Variants in INSL6 observed in about 807,000 individuals in gnomAD.
INSL6 encodes insulin like 6.
INSL6 carries 16 observed loss-of-function variants against 9.4 expected under a neutral mutation model. That is an observed-to-expected ratio of 1.70 (90% CI 1.15 to 2.59). The LOEUF is 2.59. Among genes scored for constraint, INSL6 ranks in the 30% most tolerant of loss-of-function variants. The pLI is 0.00. For missense variants in INSL6, 391 were observed against 257.3 expected (o/e 1.52, Z -3.56); for synonymous variants, 154 against 96.9 (o/e 1.59, Z -3.46).
chr9:5,128,580 C>T (rs1824152635), intron 3 of INSL6, among the ~76,000 whole-genome samples: 1 of 151,834 alleles, frequency 6.6e-6, no homozygotes, highest in Admixed American at 6.6e-5. Flanking sequence ...CTTTTTAAAA[C>T]AAGATGTGAA....
At chr9:5,091,762 C>T in the INSL6 span, among the ~76,000 whole-genome samples, 10 of 151,962 alleles carry the variant, frequency 6.6e-5, no homozygotes, top group African/African-American at 1.7e-4. Context: ...AGGCTTAAGT[C>T]GGGGGGCTGA....
chr9:5,099,016 A>T, the INSL6 span: 3 of 151,988 alleles, frequency 2.0e-5, no homozygotes, highest in Non-Finnish European at 4.4e-5. Context: ...TTCTTATATA[A>T]CCCCAACACC....
At chr9:5,110,282 C>G in the INSL6 span, 3 of 152,296 alleles carry the variant, frequency 2.0e-5, no homozygotes, top group South Asian at 2.1e-4. Flanking sequence ...ACCTCTGAAC[C>G]CAAACCTTTA....
chr9:5,130,372 GA>G (rs1824247156), intron 3 of INSL6, among the ~76,000 whole-genome samples: 1 of 152,218 alleles, frequency 6.6e-6, no homozygotes, highest in African/African-American at 2.4e-5. Flanking sequence ...ATAGCTTTTA[GA>G]TCTGAATTAT....
At chr9:5,130,205 A>G (rs1039690253) in intron 3 of INSL6, among the ~76,000 whole-genome samples, 1 of 152,228 alleles carries the variant, frequency 6.6e-6, no homozygotes, top group Non-Finnish European at 1.5e-5. Context: ...AAGGAGCTCT[A>G]AGAGTCCCTG....
At chr9:5,021,315 T>C in the INSL6 span, among the ~76,000 whole-genome samples, 1 of 152,222 alleles carries the variant, frequency 6.6e-6, no homozygotes, top group Non-Finnish European at 1.5e-5. Flanking sequence ...ACCAGATAAC[T>C]CTAGTCAACC....
the INSL6 span, among the ~76,000 whole-genome samples, chr9:5,030,983 T>A: frequency 6.6e-6 from 1 of 152,180 alleles, no homozygotes; most frequent in Non-Finnish European, 1.5e-5. Context: ...AAGAAGATCC[T>A]ATGCAGTGTA....
chr9:5,031,754 C>G, the INSL6 span, among the ~76,000 whole-genome samples: 6 of 152,202 alleles, frequency 3.9e-5, no homozygotes, highest in Non-Finnish European at 8.8e-5. Context: ...AAGGTTTCCT[C>G]TTAAAATGAA....
At chr9:5,145,943 G>C (rs2130890699) in intron 2 of INSL6, among the ~76,000 whole-genome samples, 1 of 152,182 alleles carries the variant, frequency 6.6e-6, no homozygotes, top group Admixed American at 6.5e-5. Flanking sequence ...TTCTACTTCT[G>C]TCATTTCAGC....
At chr9:5,016,918 A>T in the INSL6 span, among the ~76,000 whole-genome samples, 1 of 152,262 alleles carries the variant, frequency 6.6e-6, no homozygotes, top group Non-Finnish European at 1.5e-5. Flanking sequence ...ACGGCATAGT[A>T]GCTGAGAATT....
the INSL6 span, chr9:5,030,038 A>G: frequency 1.5e-6 from 1 of 686,274 alleles, no homozygotes; most frequent in Non-Finnish European, 2.3e-6. Context: ...TTAAGATTTC[A>G]TTTAAGATTC....
the INSL6 span, among the ~76,000 whole-genome samples, chr9:5,037,471 T>A: frequency 1.3e-5 from 2 of 152,184 alleles, no homozygotes; most frequent in African/African-American, 4.8e-5. Flanking sequence ...TGTCCAACAA[T>A]GATAGACTGG....
chr9:5,166,665 G>T (rs1251987875), intron 1 of INSL6, among the ~76,000 whole-genome samples: 1 of 151,992 alleles, frequency 6.6e-6, no homozygotes, highest in African/African-American at 2.4e-5. Context: ...AAATGAAAAG[G>T]GTAGTCAGAG....
At chr9:5,151,314 C>G (rs912192469) in intron 2 of INSL6, among the ~76,000 whole-genome samples, 5 of 151,950 alleles carry the variant, frequency 3.3e-5, no homozygotes, top group African/African-American at 1.2e-4. Flanking sequence ...CAGGAAAAAT[C>G]TGATATTAGA....
At chr9:5,065,524 C>G in the INSL6 span, among the ~76,000 whole-genome samples, 2 of 152,200 alleles carry the variant, frequency 1.3e-5, no homozygotes, top group African/African-American at 4.8e-5. Context: ...CTGTGTAACA[C>G]AGCAGCCACT....
chr9:5,005,279 G>T, the INSL6 span, among the ~76,000 whole-genome samples: 2 of 151,288 alleles, frequency 1.3e-5, no homozygotes, highest in Non-Finnish European at 3.0e-5. Flanking sequence ...TATCTGTTCC[G>T]GTCCTTTGCC....
chr9:5,013,945 T>C, the INSL6 span, among the ~76,000 whole-genome samples: 1 of 152,122 alleles, frequency 6.6e-6, no homozygotes, highest in African/African-American at 2.4e-5. Context: ...ATGAAACTTA[T>C]TTTTAGGTCT....
chr9:4,998,862 C>A, the INSL6 span, among the ~76,000 whole-genome samples: 1 of 151,760 alleles, frequency 6.6e-6, no homozygotes, highest in African/African-American at 2.4e-5. Context: ...ATGGAGTCTC[C>A]CTCTGTCACC....
chr9:5,183,370 T>G (rs1408506673), intron 1 of INSL6, among the ~76,000 whole-genome samples: 1 of 152,234 alleles, frequency 6.6e-6, no homozygotes, highest in African/African-American at 2.4e-5. Flanking sequence ...GTAGCAGGTT[T>G]TGTGGGTATA....
Sources: allele counts gnomAD v4.1 joint callset (sites outside exome capture counted in the v4.1 genomes callset), GRCh38; gene constraint gnomAD v4.1.1; transcripts MANE v1.5; gene names NCBI Gene and HGNC (gene_info 2026-07-23, HGNC 2026-07-21).